CYYR1: variants seen among roughly 807,000 people sequenced by gnomAD.
The protein encoded by CYYR1 is cysteine and tyrosine rich 1.
A neutral mutation model predicts 15.2 loss-of-function variants in CYYR1; 14 were observed. The observed-to-expected ratio is 0.92, with a 90% confidence interval of 0.61 to 1.44. CYYR1 has a LOEUF of 1.44. CYYR1 is among the 40% of genes most tolerant of loss of function. The probability of loss-of-function intolerance (pLI) is 0.00; values close to 1 mark genes in which losing one functional copy is unlikely to be tolerated. For missense variants in CYYR1, 228 were observed against 209.5 expected, an observed-to-expected ratio of 1.09 and a Z score of -0.54; for synonymous variants, 80 against 77.4, an observed-to-expected ratio of 1.03 and a Z score of -0.18.
In CYYR1 at chr21:26,526,100, C is replaced by T. The variant is rs983525142; in HGVS notation, c.176+40166G>A. Among the ~76,000 whole-genome samples the T allele has an allele frequency of 6.1e-4, 93 of 152,140 alleles. 2 individuals are homozygous for T. The highest frequency in any genetic ancestry group is 6.0e-3 in the Admixed American group (92 of 15,280). ...ATGGATGAGGAAATAATCTGTACAA[C>T]AAACCCCCACGACACAAGTTTACTT... On this transcript the variant is annotated intron_variant, in intron 2 of 3. Transcript: ENST00000652641.
intron 3 of CYYR1, among the ~76,000 whole-genome samples, chr21:26,472,042 T>A (rs1383403554): frequency 6.6e-6 from 1 of 152,180 alleles, no homozygotes; most frequent in Non-Finnish European, 1.5e-5. Context: ...TCAGAAAATT[T>A]GGAAACAGAA....
intron 1 of CYYR1, 85 bp downstream of exon 1, chr21:26,572,783 G>A (rs1981088497): frequency 1.3e-6 from 2 of 1,533,566 alleles, no homozygotes; most frequent in African/African-American, 2.8e-5. Flanking sequence ...GTCCCGGTCC[G>A]TCCAGCTCAA....
In CYYR1 at chr21:26,469,698, G is replaced by A. The variant is rs535403824; in HGVS notation, c.335-1064C>T. On this transcript the variant is annotated intron_variant, in intron 3 of 3. Transcript: ENST00000652641. ...TATTGTTGACTATAGTCATCCAGTGGTATAGAACACTGGAACTTATTCCTC... is the reference window on the plus strand; with the variant it reads ...TATTGTTGACTATAGTCATCCAGTGATATAGAACACTGGAACTTATTCCTC... Among the ~76,000 whole-genome samples, 53 of 152,046 alleles carry A rather than the reference G, an allele frequency of 3.5e-4. 1 individual carries two copies. Among genetic ancestry groups the A allele is most frequent in the African/African-American group, 1.2e-3 (51 of 41,494 alleles).
At chr21:26,494,753 G>T (rs2065371542) in intron 2 of CYYR1, among the ~76,000 whole-genome samples, 2 of 151,400 alleles carry the variant, frequency 1.3e-5, no homozygotes, top group African/African-American at 2.4e-5. Context: ...AATTTTAAAA[G>T]GAGAAGAAAA....
At chr21:26,525,981 C>T (rs1031085178) in intron 2 of CYYR1, among the ~76,000 whole-genome samples, 1 of 141,356 alleles carries the variant, frequency 7.1e-6, no homozygotes, top group African/African-American at 2.7e-5. Flanking sequence ...AACACATGGA[C>T]ACAGACAGGA....
intron 2 of CYYR1, chr21:26,551,369 A>G (rs2123685097): frequency 6.5e-6 from 1 of 152,792 alleles, no homozygotes; most frequent in East Asian, 1.9e-4. Context: ...TATTTGAGAA[A>G]TAAATTTTGT....
intron 2 of CYYR1, among the ~76,000 whole-genome samples, chr21:26,527,399 C>T (rs2123588641): frequency 6.6e-6 from 1 of 152,070 alleles, no homozygotes; most frequent in South Asian, 2.1e-4. Context: ...ATTTACATAA[C>T]CAAATAAAGT....
intron 3 of CYYR1, chr21:26,478,050 C>T: frequency 1.3e-6 from 2 of 1,548,014 alleles, no homozygotes; most frequent in East Asian, 4.9e-5. Context: ...GCTGAGTGCC[C>T]ATTATGTACC....
At chr21:26,488,932 T>A (rs1286747683) in intron 2 of CYYR1, among the ~76,000 whole-genome samples, 4 of 152,136 alleles carry the variant, frequency 2.6e-5, no homozygotes, top group Non-Finnish European at 1.5e-5. Flanking sequence ...TCTCTGTTAT[T>A]CTAGTTTGAG....
Position 26,468,309 on chromosome 21 carries a change from T to G in CYYR1, c.*192A>C. 1 of 614,332 alleles carries G rather than the reference T, an allele frequency of 1.6e-6. No homozygotes were observed. The highest frequency in any genetic ancestry group is 1.8e-5 in the African/African-American group (1 of 54,782). The allele number at this position is 614,332 out of a possible 1,614,324, so 38.1% of individuals were successfully genotyped here. A position where few individuals can be genotyped will look rare whatever the true frequency, so the allele number is the denominator to read the frequency against. On this transcript the variant is annotated 3_prime_UTR_variant, in exon 4 of 4. Transcript: ENST00000652641. The stretch of plus-strand genomic sequence containing the variant: ...AATGTGGTTCCATAGAACCAAACAT[T>G]AATACTCCAGATGGGGTCAGCTTTG...
intron 3 of CYYR1, among the ~76,000 whole-genome samples, chr21:26,473,719 G>A (rs1282324136): frequency 6.6e-6 from 1 of 152,160 alleles, no homozygotes. Context: ...CCTGCTGAGA[G>A]TGAGAAGGCT....
intron 3 of CYYR1, among the ~76,000 whole-genome samples, chr21:26,474,468 C>G (rs940831972): frequency 4.9e-5 from 7 of 142,162 alleles, no homozygotes; most frequent in Admixed American, 2.2e-4. Context: ...AAGCCAGGAT[C>G]AAACTTGAGA....
rs139288204 is a variant in CYYR1, at chr21:26,563,667, A to G, written c.176+2599T>C. Among the ~76,000 whole-genome samples, 9 of 152,324 alleles carry G rather than the reference A, an allele frequency of 5.9e-5. No individual in the cohort carries two copies. In the East Asian group the frequency reaches 9.6e-4, roughly 16 times the overall value. On this transcript the variant is annotated intron_variant, in intron 2 of 3. Coordinates refer to ENST00000652641, the MANE Select transcript of CYYR1 (RefSeq NM_001320768.2). Reference sequence around the variant, plus strand: ...ATTAGCTCCTGTGACTGCTTTATAAACAAATCTTAATGGTTAGTTTGCAAA... The same window carrying G: ...ATTAGCTCCTGTGACTGCTTTATAAGCAAATCTTAATGGTTAGTTTGCAAA...
At chr21:26,526,454 CCAA>C (rs1044629129) in intron 2 of CYYR1, among the ~76,000 whole-genome samples, 11 of 151,590 alleles carry the variant, frequency 7.3e-5, no homozygotes, top group Non-Finnish European at 1.2e-4. Flanking sequence ...GCCCCACCCC[CCAA>C]CAACAACAAC....
intron 2 of CYYR1, among the ~76,000 whole-genome samples, chr21:26,553,418 C>A (rs1979534260): frequency 6.6e-6 from 1 of 152,050 alleles, no homozygotes; most frequent in Non-Finnish European, 1.5e-5. Context: ...TACTCTTTCT[C>A]CTTTCTTCTG....
chr21:26,484,093 A>G (rs924159185), intron 2 of CYYR1, among the ~76,000 whole-genome samples: 2 of 152,066 alleles, frequency 1.3e-5, no homozygotes, highest in Non-Finnish European at 2.9e-5. Context: ...AAATACATAC[A>G]CTACGCATTG....
At chr21:26,524,198 ATGTATT>A (rs2065836034) in intron 2 of CYYR1, among the ~76,000 whole-genome samples, 1 of 152,172 alleles carries the variant, frequency 6.6e-6, no homozygotes, top group African/African-American at 2.4e-5. Flanking sequence ...ATGTAGGTAT[ATGTATT>A]TAGATATTTG....
intron 2 of CYYR1, among the ~76,000 whole-genome samples, chr21:26,495,247 T>C (rs933456495): frequency 2.0e-5 from 3 of 152,154 alleles, no homozygotes; most frequent in East Asian, 1.9e-4. Context: ...GAGCGGTAGA[T>C]CTAACAGCAA....
Position 26,522,725 on chromosome 21 carries a change from G to A in CYYR1, c.177-42296C>T, listed in dbSNP as rs1432633560. Reference sequence around the variant, plus strand: ...TCTACAGTCTATCAGGAGAGATGGAGACACAGCTGATGATCATATACAGTG... The same window carrying A: ...TCTACAGTCTATCAGGAGAGATGGAAACACAGCTGATGATCATATACAGTG... On this transcript the variant is annotated intron_variant, in intron 2 of 3. Transcript: ENST00000652641. 3.3e-5 allele frequency among the ~76,000 whole-genome samples: 5 copies of A among 152,130 alleles called. No individual in the cohort carries two copies. The East Asian group carries it at 9.6e-4, about 29-fold the overall frequency.
Sources: allele counts gnomAD v4.1 joint callset (sites outside exome capture counted in the v4.1 genomes callset), GRCh38; gene constraint gnomAD v4.1.1; transcripts MANE v1.5; gene names NCBI Gene and HGNC (gene_info 2026-07-23, HGNC 2026-07-21).